MTMR10: variants seen among roughly 807,000 people sequenced by gnomAD.
MTMR10 encodes myotubularin-related protein 10.
MTMR10 carries 56 observed loss-of-function variants against 88.1 expected under a neutral mutation model. That is an observed-to-expected ratio of 0.64 (90% CI 0.51 to 0.79). MTMR10 has a LOEUF of 0.79. MTMR10 is among the 30% of genes least tolerant of loss of function. MTMR10 has a pLI of 0.00. For synonymous variants in MTMR10, 380 were observed against 340.9 expected (o/e 1.11, Z -1.26); for missense variants, 883 against 924.7 (o/e 0.95, Z 0.58).
At chr15:30,966,853 ATTTTC>A (rs2063478068) in intron 6 of MTMR10, among the ~76,000 whole-genome samples, 3 of 117,048 alleles carry the variant, frequency 2.6e-5, no homozygotes, top group African/African-American at 9.3e-5. Flanking sequence ...TCTCTACTGT[ATTTTC>A]TTTTTTTTTT....
chr15:30,991,284 C>A, intron 1 of MTMR10, 163 bp downstream of exon 1: 1 of 645,788 alleles, frequency 1.5e-6, no homozygotes, highest in Non-Finnish European at 2.4e-6. Context: ...AGTGGGGGCT[C>A]CCGAGAAGGC....
chr15:30,939,340 G>T lies in MTMR10; in HGVS notation c.*2130C>A. The T allele has an allele frequency of 1.0e-6, 1 of 985,430 alleles. No individual in the cohort carries two copies. Among genetic ancestry groups the T allele is most frequent in the Non-Finnish European group, 1.2e-6 (1 of 829,948 alleles). 61.0% of individuals were successfully genotyped at this position (985,430 alleles called of 1,614,324 possible). A position where few individuals can be genotyped will look rare whatever the true frequency, so the allele number is the denominator to read the frequency against. On this transcript the variant is annotated 3_prime_UTR_variant, in exon 16 of 16. Transcript: ENST00000435680. ...TCCCTCAGCACGGGCTCTGCTGGCG[G>T]GCAGCAGGGGTGCTGAGCTCTCTCT...
chr15:30,945,548 C>CGCTG (rs2063157424), intron 14 of MTMR10, among the ~76,000 whole-genome samples: 2 of 45,522 alleles, frequency 4.4e-5, no homozygotes, highest in East Asian at 9.5e-3. Context: ...TGCAGGCTCA[C>CGCTG]ACTGTGTGCG....
intron 3 of MTMR10, 146 bp downstream of exon 3, chr15:30,976,673 C>T: frequency 2.1e-6 from 2 of 966,914 alleles, no homozygotes; most frequent in Non-Finnish European, 2.9e-6. Flanking sequence ...TTAAACTTTA[C>T]TTTAAATCTT....
At chr15:30,942,144 A>G in intron 15 of MTMR10, 72 bp from the exon 16 acceptor site, 1 of 1,472,546 alleles carries the variant, frequency 6.8e-7, no homozygotes, top group Non-Finnish European at 9.2e-7. Flanking sequence ...AATGGCAAAT[A>G]TAAACTCAAT....
chr15:30,972,976 C>T (rs970688574), intron 5 of MTMR10, among the ~76,000 whole-genome samples: 1 of 152,072 alleles, frequency 6.6e-6, no homozygotes, highest in Non-Finnish European at 1.5e-5. Context: ...CTGTGATGTC[C>T]CTAATCTTGA....
the MTMR10 span, chr15:30,920,583 C>T: frequency 6.2e-7 from 1 of 1,611,808 alleles, no homozygotes. Flanking sequence ...CGGTGTTTCA[C>T]TGTTGGGTGG....
chr15:30,981,273 C>G (rs2030550881), intron 2 of MTMR10, among the ~76,000 whole-genome samples: 1 of 152,236 alleles, frequency 6.6e-6, no homozygotes, highest in South Asian at 2.1e-4. Flanking sequence ...TGAATGTGGG[C>G]TGCACTTAGT....
chr15:30,983,890 G>A, intron 2 of MTMR10, among the ~76,000 whole-genome samples: 1 of 152,148 alleles, frequency 6.6e-6, no homozygotes, highest in East Asian at 1.9e-4. Flanking sequence ...ATGTAAAAAA[G>A]CAAGTACCAA....
At chr15:30,969,208 C>G (rs1266512797) in intron 5 of MTMR10, among the ~76,000 whole-genome samples, 1 of 151,870 alleles carries the variant, frequency 6.6e-6, no homozygotes, top group African/African-American at 2.4e-5. Context: ...TCCTGTCTCA[C>G]TAAGTTAAAA....
At chr15:30,975,267 T>C (rs545493052) in intron 3 of MTMR10, among the ~76,000 whole-genome samples, 2 of 152,280 alleles carry the variant, frequency 1.3e-5, no homozygotes, top group South Asian at 4.1e-4. Flanking sequence ...CTGGATAAGC[T>C]GGCCACAACA....
At position 30,990,821 on chromosome 15, in the gene MTMR10, T is replaced by A. The variant is rs147790903; in HGVS notation, c.77A>T (p.Asn26Ile). 7.5e-6 allele frequency: 12 copies of A among 1,607,344 alleles called. No homozygotes were observed. Among genetic ancestry groups the A allele is most frequent in the Non-Finnish European group, 1.0e-5 (12 of 1,176,630 alleles). ...LPPPQTDDKI[N>I]SEPKIKKLEP... ...CAGTTTTTTAATCTTCGGTTCCGAA[T>A]TGATCTTATCGTCAGTCTGAAATAC... The change falls in exon 2 of 16, where the codon AAT becomes ATT. Residue 26 changes from asparagine to isoleucine, a missense_variant. Asn to Ile is a moderately radical substitution (Grantham distance 149). Around this residue, in one of 3 missense-constraint regions of MTMR10, gnomAD observed 414 missense variants for 423.2 expected, o/e 0.98. Transcript: ENST00000435680.
At chr15:30,976,369 G>A (rs896456674) in intron 3 of MTMR10, among the ~76,000 whole-genome samples, 36 of 152,154 alleles carry the variant, frequency 2.4e-4, no homozygotes, top group African/African-American at 8.7e-4. Context: ...TCATGCCACT[G>A]CACTCCAGCC....
chr15:30,924,619 T>C, the MTMR10 span, among the ~76,000 whole-genome samples: 16 of 152,222 alleles, frequency 1.1e-4, no homozygotes, highest in African/African-American at 2.7e-4. Context: ...CTCCAAACCT[T>C]TGGCTCCTGT....
chr15:30,970,967 T>C (rs767856189), intron 5 of MTMR10, among the ~76,000 whole-genome samples: 2 of 152,320 alleles, frequency 1.3e-5, no homozygotes, highest in East Asian at 1.9e-4. Flanking sequence ...GTATAACTTA[T>C]GTTCATATGA....
chr15:30,942,371 C>T, intron 15 of MTMR10: 1 of 448,456 alleles, frequency 2.2e-6, no homozygotes. Flanking sequence ...AAACACTAGA[C>T]CTGGCCGATT....
Position 30,969,364 on chromosome 15 carries a change from G to A in MTMR10, c.475-1354C>T, listed in dbSNP as rs367752411. Reference sequence around the variant, plus strand: ...GTCCCACTTGCAAAATTTAGGAGCCGGTTATCTATATTCCCATTCCTAATC... The same window carrying A: ...GTCCCACTTGCAAAATTTAGGAGCCAGTTATCTATATTCCCATTCCTAATC... On this transcript the variant is annotated intron_variant, in intron 5 of 15. Coordinates refer to ENST00000435680, the MANE Select transcript of MTMR10 (RefSeq NM_017762.3). Among the ~76,000 whole-genome samples, 4 of 151,970 alleles carry A rather than the reference G, an allele frequency of 2.6e-5. No individual in the cohort carries two copies. The East Asian group carries it at 5.8e-4, about 22-fold the overall frequency.
chr15:30,934,909 T>G (rs1027566757), downstream of MTMR10, among the ~76,000 whole-genome samples: 2 of 152,236 alleles, frequency 1.3e-5, no homozygotes, highest in African/African-American at 4.8e-5. Context: ...TATAACATAT[T>G]ATTTTTGCTT....
chr15:30,980,006 A>G (rs141613625), intron 2 of MTMR10, among the ~76,000 whole-genome samples: 2 of 152,368 alleles, frequency 1.3e-5, no homozygotes, highest in Non-Finnish European at 2.9e-5. Flanking sequence ...TATGGTCCGC[A>G]AAGCCTAAAA....
Sources: gnomAD v4.1 joint callset for allele counts (sites outside exome capture counted in the v4.1 genomes callset) on GRCh38, gnomAD v4.1.1 for gene constraint, gnomAD v4.1.1 regional missense constraint, MANE v1.5 for transcripts, NCBI Gene and HGNC (gene_info 2026-07-23, HGNC 2026-07-21) for gene names.